Variants in TMTC3 observed in about 807,000 individuals in gnomAD.
TMTC3 encodes protein O-mannosyl-transferase TMTC3.
A neutral mutation model predicts 92.2 loss-of-function variants in TMTC3; 52 were observed. The ratio of observed to expected loss-of-function variants is 0.56; its 90% confidence interval spans 0.45 to 0.71. The LOEUF is 0.71. TMTC3 is among the 30% of genes least tolerant of loss of function. The pLI, the probability that TMTC3 is intolerant of heterozygous loss-of-function variation, is 0.00. For missense variants in TMTC3, 896 were observed against 1,057.1 expected (o/e 0.85, Z 2.11); for synonymous variants, 339 against 363.3 (o/e 0.93, Z 0.76).
intron 7 of TMTC3, among the ~76,000 whole-genome samples, chr12:88,168,405 A>G (rs191751623): frequency 3.9e-5 from 6 of 152,296 alleles, no homozygotes; most frequent in Non-Finnish European, 7.4e-5. Flanking sequence ...AGGGAAGACT[A>G]TGCTGGTCAG....
chr12:88,149,104 C>G (rs1194088491), intron 2 of TMTC3, among the ~76,000 whole-genome samples: 1 of 152,096 alleles, frequency 6.6e-6, no homozygotes, highest in Admixed American at 6.6e-5. Context: ...GCCAATTTCT[C>G]TTGCAGAAGA....
intron 13 of TMTC3, among the ~76,000 whole-genome samples, chr12:88,194,448 G>A (rs11104757): frequency 0.23 from 34,280 of 152,074 alleles, 9,324 homozygotes; most frequent in African/African-American, 0.66. Flanking sequence ...GAGAAGTTAA[G>A]TAACATGTTC....
chr12:88,167,966 A>G (rs2041164586), intron 7 of TMTC3, among the ~76,000 whole-genome samples: 1 of 152,184 alleles, frequency 6.6e-6, no homozygotes, highest in Non-Finnish European at 1.5e-5. Flanking sequence ...TTAACATTCT[A>G]GATGCACAGA....
Position 88,195,527 on chromosome 12 carries a change from G to T in TMTC3, c.2623G>T (p.Gly875Ter). The T allele has an allele frequency of 1.2e-6, 2 of 1,612,668 alleles. No individual in the cohort carries two copies. Among genetic ancestry groups the T allele is most frequent in the South Asian group, 2.2e-5 (2 of 90,850 alleles). Residue 875 changes from glycine (G) to a stop codon, truncating the protein, a stop_gained, in exon 14 of 14, where the codon GGA (glycine) becomes TGA (stop). Transcript: ENST00000266712. LOFTEE classifies it high-confidence loss of function. ...TCAGTCTAAATCCAACAAACAATTA[G>T]GAAAAAATGGAGACGAAGAGACACC... ...KSQSKSNKQL[G>*]KNGDEETPHK...
intron 6 of TMTC3, 78 bp downstream of exon 6, chr12:88,160,929 G>C (rs1368746667): frequency 7.2e-7 from 1 of 1,380,122 alleles, no homozygotes; most frequent in East Asian, 2.4e-5. Flanking sequence ...GTTGAAGAAA[G>C]TATTTTATTT....
At chr12:88,192,868 T>C in intron 13 of TMTC3, 38 bp downstream of exon 13, 2 of 1,498,202 alleles carry the variant, frequency 1.3e-6, no homozygotes, top group Non-Finnish European at 1.8e-6. Context: ...ATATAAATTG[T>C]AGTTTATAAT....
intron 10 of TMTC3, among the ~76,000 whole-genome samples, chr12:88,177,528 A>T (rs914719524): frequency 1.5e-4 from 23 of 152,134 alleles, no homozygotes; most frequent in African/African-American, 5.6e-4. Context: ...AGGATGAGGG[A>T]TGGAGGAAAG....
rs1182677203 is a variant in TMTC3 at position 88,160,137 on chromosome 12, G to A, written c.532G>A (p.Val178Met). 2 of 1,591,402 alleles carry A rather than the reference G, an allele frequency of 1.3e-6. No individual in the cohort carries two copies. Among genetic ancestry groups the A allele is most frequent in the South Asian group, 1.2e-5 (1 of 85,802 alleles). ...AGTATGGACTCCAATTGCCTTGACA[G>A]TGTTTTTAGTGGCTGTTGCAACATT... ...SIIWTPIALT[V>M]FLVAVATLCK... Residue 178 changes from valine (V) to methionine (M), a missense_variant, in exon 5 of 14, where the codon GTG (valine) becomes ATG (methionine). By Grantham distance (21) the Val-to-Met change is conservative. Transcript: ENST00000266712.
chr12:88,162,578 A>G (rs904251298), intron 6 of TMTC3, among the ~76,000 whole-genome samples: 1 of 151,924 alleles, frequency 6.6e-6, no homozygotes, highest in African/African-American at 2.4e-5. Context: ...TCTTAATTTC[A>G]TCTAGTTGTT....
chr12:88,166,506 CT>C lies in TMTC3; in HGVS notation c.977del (p.Phe326SerfsTer24). 1 of 1,613,870 alleles carries C rather than the reference CT, an allele frequency of 6.2e-7. No individual in the cohort carries two copies. The highest frequency in any genetic ancestry group is 8.5e-7 in the Non-Finnish European group (1 of 1,179,902). ...LLDIRNLATF[T>X]FFCFLGMLGV... Reference sequence around the variant, plus strand: ...GATATTCGAAATCTGGCCACATTTACTTTCTTTTGTTTTCTGGGGATGTTGG... The same window carrying C: ...GATATTCGAAATCTGGCCACATTTACTTCTTTTGTTTTCTGGGGATGTTGG... On this transcript the variant is annotated frameshift_variant, in exon 7 of 14. Transcript: ENST00000266712. LOFTEE classifies it high-confidence loss of function.
chr12:88,146,089 C>G (rs931306814), intron 1 of TMTC3, among the ~76,000 whole-genome samples: 1 of 152,078 alleles, frequency 6.6e-6, no homozygotes, highest in African/African-American at 2.4e-5. Context: ...AATAATGGCC[C>G]CCAGTGAGTC....
Position 88,195,064 on chromosome 12 carries a change from G to A in TMTC3, c.2160G>A (p.Lys720=), listed in dbSNP as rs200548133. The A allele has an allele frequency of 3.4e-5, 55 of 1,613,684 alleles. No homozygotes were observed. The highest frequency in any genetic ancestry group is 8.3e-5 in the Admixed American group (5 of 59,936). The part of the protein sequence containing the change: ...LLYSQTAKEL[K]ALPILEELLR... ...ATTCCCAGACTGCAAAGGAATTAAAGGCTTTGCCAATTTTGGAGGAGTTAC... is the reference window on the plus strand; with the variant it reads ...ATTCCCAGACTGCAAAGGAATTAAAAGCTTTGCCAATTTTGGAGGAGTTAC... The change falls in exon 14 of 14, where the codon AAG becomes AAA. Residue 720 remains lysine (K), a synonymous_variant. Coordinates refer to ENST00000266712, the MANE Select transcript of TMTC3 (RefSeq NM_181783.4).
rs751122765 is a variant in TMTC3, at chr12:88,192,790, A to T, written c.1893A>T (p.Lys631Asn). The T allele has an allele frequency of 1.9e-6, 3 of 1,613,134 alleles. No individual in the cohort carries two copies. In the South Asian group the frequency reaches 3.3e-5, roughly 18 times the overall value. Residue 631 changes from lysine (K) to asparagine (N), a missense_variant, in exon 13 of 14, where the codon AAA becomes AAT. Coordinates refer to ENST00000266712, the MANE Select transcript of TMTC3 (RefSeq NM_181783.4). ...NRALELNPKH[K>N]LALFNSAIVM... ...CTCTGGAACTAAATCCAAAGCATAA[A>T]CTAGCATTATTCAACTCTGCTATAG...
intron 2 of TMTC3, among the ~76,000 whole-genome samples, chr12:88,151,101 T>G (rs1169370093): frequency 2.1e-5 from 3 of 141,022 alleles, no homozygotes; most frequent in South Asian, 2.2e-4. Flanking sequence ...AATCTCAGAG[T>G]GGGATATAGG....
chr12:88,159,067 GAAAAA>G (rs538720655), intron 4 of TMTC3, among the ~76,000 whole-genome samples: 1 of 113,126 alleles, frequency 8.8e-6, no homozygotes, highest in Non-Finnish European at 1.9e-5. Context: ...AAAAAAAAAG[GAAAAA>G]AAAAAAAAAG....
In TMTC3 at chr12:88,144,994, C is replaced by G. The variant is rs553929221; in HGVS notation, c.-29+2507C>G. ...ACACTTGTCTGGACCTGCCTTCTTT[C>G]TGCCCTAGGCTTTTGTGAACAGTTT... On this transcript the variant is annotated intron_variant, in intron 1 of 13. Transcript: ENST00000266712. 5.3e-5 allele frequency among the ~76,000 whole-genome samples: 8 copies of G among 152,312 alleles called. No individual in the cohort carries two copies. The South Asian group carries it at 1.5e-3, about 28-fold the overall frequency.
intron 10 of TMTC3, among the ~76,000 whole-genome samples, chr12:88,176,696 G>T (rs2041263452): frequency 6.6e-6 from 1 of 152,142 alleles, no homozygotes; most frequent in African/African-American, 2.4e-5. Flanking sequence ...GATTCCTTGA[G>T]CCCAGGAGTT....
chr12:88,178,625 G>T (rs1039769447), intron 10 of TMTC3, among the ~76,000 whole-genome samples: 1 of 150,456 alleles, frequency 6.6e-6, no homozygotes, highest in African/African-American at 2.5e-5. Context: ...ATTCATTTTT[G>T]TACCCCTGCA....
intron 10 of TMTC3, among the ~76,000 whole-genome samples, chr12:88,179,704 A>G (rs896072544): frequency 2.6e-5 from 4 of 152,016 alleles, no homozygotes; most frequent in African/African-American, 9.7e-5. Flanking sequence ...AGCAGCCACC[A>G]AGAGAGTGCA....
Sources: gnomAD v4.1 joint callset for allele counts (sites outside exome capture counted in the v4.1 genomes callset) on GRCh38, gnomAD v4.1.1 for gene constraint, MANE v1.5 for transcripts, NCBI Gene and HGNC (gene_info 2026-07-23, HGNC 2026-07-21) for gene names.